The following FIGNL1 variants were observed in gnomAD, a reference collection of about 807,000 sequenced individuals.
FIGNL1 encodes the protein fidgetin-like protein 1.
Under a neutral mutation model 28.9 loss-of-function variants are expected in FIGNL1, and 11 were observed. That is an observed-to-expected ratio of 0.38 (90% CI 0.24 to 0.63). The LOEUF (loss-of-function observed/expected upper bound fraction) is 0.63, where lower values mean the gene tolerates loss of function less well. Among genes scored for constraint, FIGNL1 ranks in the 20% least tolerant of loss-of-function variants. The probability of loss-of-function intolerance (pLI) is 0.57; values close to 1 mark genes in which losing one functional copy is unlikely to be tolerated. For synonymous variants in FIGNL1, 295 were observed against 276.5 expected (o/e 1.07, Z -0.66); for missense variants, 789 against 810.4 (o/e 0.97, Z 0.32).
At position 50,446,280 on chromosome 7, in the gene FIGNL1, T is replaced by C; in HGVS notation, c.1008A>G (p.Ile336Met). 1.2e-6 allele frequency: 2 copies of C among 1,614,208 alleles called. No individual in the cohort carries two copies. Among genetic ancestry groups the C allele is most frequent in the Non-Finnish European group, 1.7e-6 (2 of 1,180,034 alleles). Residue 336 changes from isoleucine to methionine, a missense_variant, in exon 4 of 4, where the codon ATA becomes ATG. Transcript: ENST00000433017. The part of the protein sequence containing the change: ...KSLGASRSRG[I>M]LGKFVPPIPK... Reference sequence around the variant, plus strand: ...GTATAGGAGGAACAAACTTTCCAAGTATCCCTCGGGATCTACTAGCTCCTA... The same window carrying C: ...GTATAGGAGGAACAAACTTTCCAAGCATCCCTCGGGATCTACTAGCTCCTA...
Position 50,445,841 on chromosome 7 carries a change from G to A in FIGNL1, c.1447C>T (p.Arg483Cys), listed in dbSNP as rs144082857. ...CACCTTGCAACAGCAAACAATGCAC[G>A]GACCATTTTCTCCCCCTCACCTACC... ...KWVGEGEKMVRALFAVARCQQ... is the reference protein window; with the variant it reads ...KWVGEGEKMVCALFAVARCQQ... The change falls in exon 4 of 4, where the codon CGT becomes TGT. Residue 483 changes from arginine (R) to cysteine (C), a missense_variant. Transcript: ENST00000433017. The A allele has an allele frequency of 1.1e-5, 18 of 1,614,024 alleles. No homozygotes were observed. The highest frequency in any genetic ancestry group is 6.7e-5 in the Admixed American group (4 of 60,002).
chr7:50,450,302 T>G lies in FIGNL1; in HGVS notation c.-727A>C, dbSNP rs1339049260. 6.6e-6 allele frequency: 1 copy of G among 152,422 alleles called. No individual in the cohort carries two copies. The highest frequency in any genetic ancestry group is 1.5e-5 in the Non-Finnish European group (1 of 68,196). 9.4% of individuals were successfully genotyped at this position (152,422 alleles called of 1,614,324 possible). On this transcript the variant is annotated splice_region_variant and 5_prime_UTR_variant, in exon 1 of 4. Transcript: ENST00000433017. Reference sequence around the variant, plus strand: ...CCGCCTCCCGTCACCGCATCCTACCTGCGGCTGGTGTGGGACGCTGGCAGC... The same window carrying G: ...CCGCCTCCCGTCACCGCATCCTACCGGCGGCTGGTGTGGGACGCTGGCAGC...
In FIGNL1 at chr7:50,445,195, C is replaced by T; in HGVS notation, c.*68G>A. 7 of 970,932 alleles carry T rather than the reference C, an allele frequency of 7.2e-6. No homozygotes were observed. Among genetic ancestry groups the T allele is most frequent in the South Asian group, 4.3e-5 (2 of 46,038 alleles). 60.1% of individuals were successfully genotyped at this position (970,932 alleles called of 1,614,324 possible). A position where few individuals can be genotyped will look rare whatever the true frequency, so the allele number is the denominator to read the frequency against. On this transcript the variant is annotated 3_prime_UTR_variant, in exon 4 of 4. Transcript: ENST00000433017. ...TTCTTAAAAATACAATTAACACATC[C>T]CCAACTTTCTATGCTAAAAAATAAA...
rs775142502 is a variant in FIGNL1 at position 50,445,579 on chromosome 7, G to C, written c.1709C>G (p.Ala570Gly). ...AATTACTATCTGTTTCCTGGCTGAAGCTTCTGGGAGGGGAATATAAAGCCT... is the reference window on the plus strand; with the variant it reads ...AATTACTATCTGTTTCCTGGCTGAACCTTCTGGGAGGGGAATATAAAGCCT... ...VKRLYIPLPE[A>G]SARKQIVINL... is the part of the protein sequence containing the mutation. Residue 570 changes from alanine to glycine, a missense_variant, in exon 4 of 4, where the codon GCT becomes GGT. Coordinates refer to ENST00000433017, the MANE Select transcript of FIGNL1 (RefSeq NM_001287492.4). 4 of 1,614,088 alleles carry C rather than the reference G, an allele frequency of 2.5e-6. No homozygotes were observed. Among genetic ancestry groups the C allele is most frequent in the Non-Finnish European group, 2.5e-6 (3 of 1,180,046 alleles).
rs773526537 is a variant in FIGNL1, at chr7:50,447,156, T to C, written c.132A>G (p.Ala44=). Residue 44 remains alanine, a synonymous_variant, in exon 4 of 4, where the codon GCA becomes GCG. Transcript: ENST00000433017. ...YRAQILRIQY[A]WANSEISQVC... ...CCTGGGAAATCTCAGAGTTTGCCCATGCATACTGAATGCGTAATATCTGTG... is the reference window on the plus strand; with the variant it reads ...CCTGGGAAATCTCAGAGTTTGCCCACGCATACTGAATGCGTAATATCTGTG... The C allele has an allele frequency of 6.2e-7, 1 of 1,614,260 alleles. No individual in the cohort carries two copies. The highest frequency in any genetic ancestry group is 8.5e-7 in the Non-Finnish European group (1 of 1,180,056).
rs780152080 is a variant in FIGNL1, at chr7:50,445,622, G to A, written c.1666C>T (p.Arg556Trp). 22 of 1,613,938 alleles carry A rather than the reference G, an allele frequency of 1.4e-5. No homozygotes were observed. The highest frequency in any genetic ancestry group is 3.3e-4 in the Middle Eastern group (2 of 6,084). ...TAAAGCCTTTTCACCAATCTTCTCC[G>A]GGCAGCCTCATCAATTTCTTGTGGC... is the stretch of plus-strand genomic sequence containing the variant. ...NRPQEIDEAA[R>W]RRLVKRLYIP... The change falls in exon 4 of 4, where the codon CGG (arginine) becomes TGG (tryptophan). Residue 556 changes from arginine to tryptophan, a missense_variant. Coordinates refer to ENST00000433017, the MANE Select transcript of FIGNL1 (RefSeq NM_001287492.4).
chr7:50,444,614 G>A lies in FIGNL1; in HGVS notation c.*649C>T, dbSNP rs980602994. ...TTGAAAGAGAGCAGTATTACAGGCT[G>A]TAGTGTCAAATAAAATATTAATGTT... On this transcript the variant is annotated 3_prime_UTR_variant, in exon 4 of 4. Transcript: ENST00000433017. The A allele has an allele frequency of 6.6e-6, 1 of 152,182 alleles. No individual in the cohort carries two copies. Among genetic ancestry groups the A allele is most frequent in the African/African-American group, 2.4e-5 (1 of 41,440 alleles). 9.4% of individuals were successfully genotyped at this position (152,182 alleles called of 1,614,324 possible).
In FIGNL1 at chr7:50,444,764, TAA is replaced by T. The variant is rs1481154461; in HGVS notation, c.*497_*498del. 1.3e-5 allele frequency: 2 copies of T among 152,152 alleles called. No individual in the cohort carries two copies. The highest frequency in any genetic ancestry group is 1.9e-4 in the East Asian group (1 of 5,200). The allele number at this position is 152,152 out of a possible 1,614,324, so 9.4% of individuals were successfully genotyped here. A position where few individuals can be genotyped will look rare whatever the true frequency, so the allele number is the denominator to read the frequency against. On this transcript the variant is annotated 3_prime_UTR_variant, in exon 4 of 4. Transcript: ENST00000433017. Reference sequence around the variant, plus strand: ...TAGTCCTGATAAAAATTAAAAACCATAAAAGAGGTAACAAATTGGCTGAAGAA... The same window carrying T: ...TAGTCCTGATAAAAATTAAAAACCATAAGAGGTAACAAATTGGCTGAAGAA...
chr7:50,449,610 G>A lies in FIGNL1; in HGVS notation c.-612C>T, dbSNP rs1821630879. 1 of 152,210 alleles carries A rather than the reference G, an allele frequency of 6.6e-6. No individual in the cohort carries two copies. The highest frequency in any genetic ancestry group is 2.4e-5 in the African/African-American group (1 of 41,436). 9.4% of individuals were successfully genotyped at this position (152,210 alleles called of 1,614,324 possible). ...TAGGATTCTGTTCTTGATGCAAAACGGGAGTTAAGAGCACAGGGTCTGGAG... is the reference window on the plus strand; with the variant it reads ...TAGGATTCTGTTCTTGATGCAAAACAGGAGTTAAGAGCACAGGGTCTGGAG... On this transcript the variant is annotated 5_prime_UTR_variant, in exon 2 of 4. Coordinates refer to ENST00000433017, the MANE Select transcript of FIGNL1 (RefSeq NM_001287492.4).
chr7:50,446,296 C>G lies in FIGNL1; in HGVS notation c.992G>C (p.Ser331Thr). Residue 331 changes from serine to threonine, a missense_variant, in exon 4 of 4, where the codon AGT becomes ACT. Transcript: ENST00000433017. ...CTTTCCAAGTATCCCTCGGGATCTA[C>G]TAGCTCCTAGAGACTTTTTTACACC... ...YGGVKKSLGA[S>T]RSRGILGKFV... is the part of the protein sequence containing the mutation. 1 of 1,614,176 alleles carries G rather than the reference C, an allele frequency of 6.2e-7. No individual in the cohort carries two copies. The highest frequency in any genetic ancestry group is 8.5e-7 in the Non-Finnish European group (1 of 1,180,038).
rs1440128138 is a variant in FIGNL1, at chr7:50,446,795, T to A, written c.493A>T (p.Asn165Tyr). 6.2e-7 allele frequency: 1 copy of A among 1,614,104 alleles called. No homozygotes were observed. Residue 165 changes from asparagine (N) to tyrosine (Y), a missense_variant, in exon 4 of 4, where the codon AAC becomes TAC. Coordinates refer to ENST00000433017, the MANE Select transcript of FIGNL1 (RefSeq NM_001287492.4). ...GSSQESDSLP[N>Y]SAHDRDRTQD... ...GTCCGGTCTCGATCATGAGCTGAGT[T>A]AGGTAATGAGTCACTCTCTTGAGAA...
rs1471353582 is a variant in FIGNL1 at position 50,449,623 on chromosome 7, A to G, written c.-625T>C. ...TTGATGCAAAACGGGAGTTAAGAGC[A>G]CAGGGTCTGGAGCCAGGCTGCCTGC... On this transcript the variant is annotated 5_prime_UTR_variant, in exon 2 of 4. Coordinates refer to ENST00000433017, the MANE Select transcript of FIGNL1 (RefSeq NM_001287492.4). 6.6e-6 allele frequency: 1 copy of G among 152,266 alleles called. No individual in the cohort carries two copies. The allele number at this position is 152,266 out of a possible 1,614,324, so 9.4% of individuals were successfully genotyped here.
In FIGNL1 at chr7:50,445,940, T is replaced by A. The variant is rs1820672330; in HGVS notation, c.1348A>T (p.Ile450Phe). The A allele has an allele frequency of 6.2e-7, 1 of 1,614,000 alleles. No individual in the cohort carries two copies. The highest frequency in any genetic ancestry group is 2.2e-5 in the East Asian group (1 of 44,896). ...FGPPGTGKTL[I>F]GKCIASQSGA... ...GACTGACTAGCAATGCACTTGCCAA[T>A]TAGAGTTTTACCAGTCCCAGGAGGA... Residue 450 changes from isoleucine (I) to phenylalanine (F), a missense_variant, in exon 4 of 4, where the codon ATT becomes TTT. Coordinates refer to ENST00000433017, the MANE Select transcript of FIGNL1 (RefSeq NM_001287492.4).
In FIGNL1 at chr7:50,446,653, G is replaced by A. The variant is rs778465603; in HGVS notation, c.635C>T (p.Thr212Ile). The A allele has an allele frequency of 2.5e-6, 4 of 1,614,172 alleles. No individual in the cohort carries two copies. The East Asian group carries it at 6.7e-5, about 27-fold the overall frequency. Residue 212 changes from threonine to isoleucine, a missense_variant, in exon 4 of 4, where the codon ACT (threonine) becomes ATT (isoleucine). Thr to Ile is a moderately conservative substitution (Grantham distance 89, BLOSUM62 -1). Coordinates refer to ENST00000433017, the MANE Select transcript of FIGNL1 (RefSeq NM_001287492.4). ...TFSAPVGESA[T>I]AKFHVTPLFG... ...CAATGGTGTGACATGGAATTTTGCA[G>A]TAGCTGACTCACCTACAGGTGCTGA...
Position 50,447,164 on chromosome 7 carries a change from G to A in FIGNL1, c.124C>T (p.Gln42Ter), listed in dbSNP as rs1230677379. The change falls in exon 4 of 4, where the codon CAG becomes TAG. Residue 42 changes from glutamine (Q) to a stop codon, truncating the protein, a stop_gained. Transcript: ENST00000433017. LOFTEE classifies it low-confidence loss of function (END_TRUNC). ...DAYRAQILRIQYAWANSEISQ... is the reference protein window; with the variant it reads ...DAYRAQILRI Reference sequence around the variant, plus strand: ...ATCTCAGAGTTTGCCCATGCATACTGAATGCGTAATATCTGTGCACGGTAT... The same window carrying A: ...ATCTCAGAGTTTGCCCATGCATACTAAATGCGTAATATCTGTGCACGGTAT... The A allele has an allele frequency of 3.1e-6, 5 of 1,614,230 alleles. No homozygotes were observed. Among genetic ancestry groups the A allele is most frequent in the Non-Finnish European group, 4.2e-6 (5 of 1,180,048 alleles).
Position 50,446,244 on chromosome 7 carries a change from A to G in FIGNL1, c.1044T>C (p.Asp348=). The change falls in exon 4 of 4, where the codon GAT becomes GAC. Residue 348 remains aspartate, a synonymous_variant. Transcript: ENST00000433017. The part of the protein sequence containing the change: ...GKFVPPIPKQ[D]GGEQNGGMQC... ...GCATTCCTCCATTCTGCTCTCCCCC[A>G]TCTTGCTTGGGTATAGGAGGAACAA... The G allele has an allele frequency of 1.2e-6, 2 of 1,613,958 alleles. No homozygotes were observed. Among genetic ancestry groups the G allele is most frequent in the Non-Finnish European group, 1.7e-6 (2 of 1,180,012 alleles).
At position 50,446,105 on chromosome 7, in the gene FIGNL1, C is replaced by T; in HGVS notation, c.1183G>A (p.Gly395Arg). 1 of 1,614,208 alleles carries T rather than the reference C, an allele frequency of 6.2e-7. No homozygotes were observed. Among genetic ancestry groups the T allele is most frequent in the Admixed American group, 1.7e-5 (1 of 60,030 alleles). Residue 395 changes from glycine to arginine, a missense_variant, in exon 4 of 4, where the codon GGA becomes AGA. Gly to Arg is a moderately radical substitution (Grantham distance 125, BLOSUM62 -2). Transcript: ENST00000433017. ...ATATCTTCCCAATTTACTGGAGGTC[C>T]ATGATCCATAATCTCATTCATAATA... Reference protein sequence around the residue: ...ELIMNEIMDHGPPVNWEDIAG... With the variant: ...ELIMNEIMDHRPPVNWEDIAG...
chr7:50,448,793 T>C (rs1821489632), intron 2 of FIGNL1: 1 of 152,236 alleles, frequency 6.6e-6, no homozygotes, highest in Non-Finnish European at 1.5e-5. Context: ...ACATTGTAAG[T>C]AGGTGTTCAC....
chr7:50,446,721 CTGG>C lies in FIGNL1; in HGVS notation c.564_566del (p.Gln189del). 1 of 1,614,210 alleles carries C rather than the reference CTGG, an allele frequency of 6.2e-7. No homozygotes were observed. The highest frequency in any genetic ancestry group is 1.1e-5 in the South Asian group (1 of 91,080). On this transcript the variant is annotated inframe_deletion, in exon 4 of 4. Transcript: ENST00000433017. ...TAGCAGTGTTAGTCACCATAGGTGG[CTGG>C]GCATTCTGAAGGAGTTTCAAACGAT...
Sources: gnomAD v4.1 joint callset for allele counts on GRCh38, gnomAD v4.1.1 for gene constraint, MANE v1.5 for transcripts, NCBI Gene and HGNC (gene_info 2026-07-23, HGNC 2026-07-21) for gene names.